Variants in FAM174B observed in about 807,000 individuals in gnomAD.
The protein encoded by FAM174B is family with sequence similarity 174 member B.
FAM174B carries 12 observed loss-of-function variants against 10.9 expected under a neutral mutation model. The ratio of observed to expected loss-of-function variants is 1.10; its 90% CI spans 0.71 to 1.79. FAM174B has a LOEUF of 1.79. FAM174B is among the 40% of genes most tolerant of loss of function. The probability of loss-of-function intolerance (pLI) is 0.00; values close to 1 mark genes in which losing one functional copy is unlikely to be tolerated. For synonymous variants in FAM174B, 132 were observed against 115.8 expected (o/e 1.14, Z -0.90); for missense variants, 266 against 233.3 (o/e 1.14, Z -0.91).
intron 2 of FAM174B, 59 bp from the exon 3 acceptor site, chr15:92,619,518 G>A (rs2141945461): frequency 6.3e-6 from 10 of 1,582,524 alleles, no homozygotes; most frequent in Non-Finnish European, 8.6e-6. Flanking sequence ...CACCCATTCT[G>A]ACCCCTCCTG....
chr15:92,646,664 C>T (rs2050930032), intron 1 of FAM174B, among the ~76,000 whole-genome samples: 2 of 152,228 alleles, frequency 1.3e-5, no homozygotes, highest in Non-Finnish European at 2.9e-5. Context: ...GAAACATTTA[C>T]AATCTATTCT....
At chr15:92,637,889 C>T (rs539610820) in intron 1 of FAM174B, among the ~76,000 whole-genome samples, 2 of 152,292 alleles carry the variant, frequency 1.3e-5, no homozygotes, top group East Asian at 1.9e-4. Context: ...AAGGACAAAG[C>T]ACCTGGTTCT....
intron 2 of FAM174B, among the ~76,000 whole-genome samples, chr15:92,626,114 A>AT (rs67649021): frequency 0.093 from 9,736 of 104,996 alleles, 612 homozygotes; most frequent in East Asian, 0.21. Flanking sequence ...AGGTTGCTGG[A>AT]TTTTTTTTTT....
intron 1 of FAM174B, among the ~76,000 whole-genome samples, chr15:92,650,878 C>A (rs188688009): frequency 1.8e-4 from 28 of 152,310 alleles, no homozygotes; most frequent in Non-Finnish European, 3.7e-4. Flanking sequence ...CCTGTAGGAC[C>A]ACTCTCACAC....
intron 1 of FAM174B, chr15:92,653,165 C>A (rs2050978450): frequency 6.6e-6 from 1 of 152,152 alleles, no homozygotes; most frequent in South Asian, 2.1e-4. Flanking sequence ...TGGGAAGAGA[C>A]GCAGATCATG....
At chr15:92,629,985 G>A (rs1342092194) in intron 2 of FAM174B, among the ~76,000 whole-genome samples, 2 of 152,160 alleles carry the variant, frequency 1.3e-5, no homozygotes, top group Non-Finnish European at 2.9e-5. Flanking sequence ...ATGTGGAAAT[G>A]TGAGTCAATT....
intron 1 of FAM174B, chr15:92,634,481 T>C (rs2050840160): frequency 6.6e-6 from 1 of 152,142 alleles, no homozygotes. Context: ...ATCATTCACG[T>C]ATATAGAGTC....
At chr15:92,631,434 T>TATGTA (rs1555421178) in intron 1 of FAM174B, among the ~76,000 whole-genome samples, 1 of 35,768 alleles carries the variant, frequency 2.8e-5, no homozygotes, top group African/African-American at 1.7e-4. Context: ...TATAATATAA[T>TATGTA]ATATTATATA....
chr15:92,635,453 CACCGGCTGTGTTG>C (rs2050849304), intron 1 of FAM174B, among the ~76,000 whole-genome samples: 1 of 152,216 alleles, frequency 6.6e-6, no homozygotes, highest in African/African-American at 2.4e-5. Context: ...AGCTGTGGTG[CACCGGCTGTGTTG>C]ACAAGGGTCT....
chr15:92,635,579 C>CT (rs34666199), intron 1 of FAM174B, among the ~76,000 whole-genome samples: 7,242 of 128,220 alleles, frequency 0.056, 334 homozygotes, highest in African/African-American at 0.11. Context: ...ATATTTCTTT[C>CT]TTTTTTTTTT....
At chr15:92,654,074 A>C (rs1463014567) in intron 1 of FAM174B, among the ~76,000 whole-genome samples, 1 of 152,206 alleles carries the variant, frequency 6.6e-6, no homozygotes, top group Non-Finnish European at 1.5e-5. Flanking sequence ...TGGTGAGGTG[A>C]GCGTGGGACC....
At chr15:92,643,136 GT>G (rs35610303) in intron 1 of FAM174B, among the ~76,000 whole-genome samples, 141,586 of 148,798 alleles carry the variant, frequency 0.95, 67,634 homozygotes, top group South Asian at 1. Flanking sequence ...CACTTTATTT[GT>G]TTTTTTTTTT....
rs762088670 is a variant in FAM174B, at chr15:92,619,266, G to T, written c.*190C>A. 2 of 728,378 alleles carry T rather than the reference G, an allele frequency of 2.7e-6. No homozygotes were observed. The highest frequency in any genetic ancestry group is 2.0e-5 in the Admixed American group (1 of 50,054). The allele number at this position is 728,378 out of a possible 1,614,324, so 45.1% of individuals were successfully genotyped here. ...GCAGAAGCAACTCCATTGTGGTGAC[G>T]TGGAAACGAGCTTGCCAGTGACAGT... On this transcript the variant is annotated 3_prime_UTR_variant, in exon 3 of 3. Coordinates refer to ENST00000327355, the MANE Select transcript of FAM174B (RefSeq NM_207446.3).
chr15:92,654,605 C>A (rs1170992723), intron 1 of FAM174B, among the ~76,000 whole-genome samples: 3 of 152,016 alleles, frequency 2.0e-5, no homozygotes, highest in Admixed American at 6.6e-5. Flanking sequence ...TCATCTAGCG[C>A]AACTTAGGCA....
At position 92,619,286 on chromosome 15, in the gene FAM174B, GAC is replaced by G; in HGVS notation, c.*168_*169del. 1 of 764,008 alleles carries G rather than the reference GAC, an allele frequency of 1.3e-6. No individual in the cohort carries two copies. The highest frequency in any genetic ancestry group is 2.3e-6 in the Non-Finnish European group (1 of 432,744). The allele number at this position is 764,008 out of a possible 1,614,324, so 47.3% of individuals were successfully genotyped here. A position where few individuals can be genotyped will look rare whatever the true frequency, so the allele number is the denominator to read the frequency against. On this transcript the variant is annotated 3_prime_UTR_variant, in exon 3 of 3. Coordinates refer to ENST00000327355, the MANE Select transcript of FAM174B (RefSeq NM_207446.3). ...GTGACGTGGAAACGAGCTTGCCAGT[GAC>G]AGTCTGAGCAGATGCCTGACACGCA...
At chr15:92,632,229 GTTGTT>G (rs996660626) in intron 1 of FAM174B, among the ~76,000 whole-genome samples, 2 of 152,298 alleles carry the variant, frequency 1.3e-5, no homozygotes, top group East Asian at 1.9e-4. Context: ...GTTTCGTTTT[GTTGTT>G]TTGTTTTGTA....
chr15:92,625,305 GA>G (rs2050746060), intron 2 of FAM174B, among the ~76,000 whole-genome samples: 3 of 152,250 alleles, frequency 2.0e-5, no homozygotes. Flanking sequence ...TGTTACCAGA[GA>G]GTTACCTGGG....
chr15:92,652,605 G>A (rs1496726), intron 1 of FAM174B, among the ~76,000 whole-genome samples: 115,190 of 152,078 alleles, frequency 0.76, 44,586 homozygotes, highest in East Asian at 0.97. Context: ...AGTTGAGGGA[G>A]GACAGACTGG....
At chr15:92,622,914 G>A (rs912020113) in intron 2 of FAM174B, among the ~76,000 whole-genome samples, 2 of 152,132 alleles carry the variant, frequency 1.3e-5, no homozygotes, top group South Asian at 2.1e-4. Flanking sequence ...CCAGCATTTC[G>A]GGAGGCCAAG....
Sources: gnomAD v4.1 joint callset for allele counts (sites outside exome capture counted in the v4.1 genomes callset) on GRCh38, gnomAD v4.1.1 for gene constraint, MANE v1.5 for transcripts, NCBI Gene and HGNC (gene_info 2026-07-23, HGNC 2026-07-21) for gene names.